The following PTPRO variants were observed in gnomAD, a reference collection of about 807,000 sequenced individuals.
PTPRO encodes the protein receptor-type tyrosine-protein phosphatase O.
In PTPRO, 62 loss-of-function variants were observed where a neutral mutation model predicts 145.2. The ratio of observed to expected loss-of-function variants is 0.43; its 90% confidence interval spans 0.35 to 0.53. PTPRO has a LOEUF of 0.53. Among genes scored for constraint, PTPRO ranks in the 20% least tolerant of loss-of-function variants. The probability of loss-of-function intolerance (pLI) is 0.01; values close to 1 mark genes in which losing one functional copy is unlikely to be tolerated. For missense variants in PTPRO, 1,345 were observed against 1,482.7 expected (o/e 0.91, Z 1.53); for synonymous variants, 565 against 514.7 (o/e 1.10, Z -1.32).
At chr12:15,372,767 T>C (rs75653332) in intron 1 of PTPRO, among the ~76,000 whole-genome samples, 2,130 of 152,226 alleles carry the variant, frequency 0.014, 71 homozygotes, top group African/African-American at 0.049. Context: ...CCACTAAAAA[T>C]AAGCTAAATA....
chr12:15,453,192 C>T (rs1160466604), intron 1 of PTPRO, among the ~76,000 whole-genome samples: 5 of 151,976 alleles, frequency 3.3e-5, no homozygotes, highest in East Asian at 1.9e-4. Context: ...CATTTCACCA[C>T]GTTGGCCAGG....
chr12:15,404,675 GA>G (rs947048590), intron 1 of PTPRO, among the ~76,000 whole-genome samples: 5 of 151,804 alleles, frequency 3.3e-5, no homozygotes, highest in African/African-American at 4.8e-5. Context: ...GAGACTAAGA[GA>G]AAAAAAACCT....
Position 15,578,086 on chromosome 12 carries a change from TC to T in PTPRO, c.2830-765del, listed in dbSNP as rs549582462. ...AAGGATTTTCCCCAACAACTACAGA[TC>T]CATCTTTATGTTTGAGGTTTCATTA... is the stretch of plus-strand genomic sequence containing the variant. On this transcript the variant is annotated intron_variant, in intron 19 of 26. Transcript: ENST00000281171. Among the ~76,000 whole-genome samples the T allele has an allele frequency of 3.9e-3, 588 of 152,322 alleles. 2 individuals carry two copies. The highest frequency in any genetic ancestry group is 0.02 in the South Asian group (95 of 4,832).
intron 20 of PTPRO, among the ~76,000 whole-genome samples, chr12:15,579,458 T>C (rs558516010): frequency 2.0e-4 from 31 of 152,346 alleles, no homozygotes; most frequent in African/African-American, 7.0e-4. Context: ...TGCTACACGC[T>C]GTGGAGCTAG....
At chr12:15,503,848 A>G in intron 5 of PTPRO, 60 bp from the exon 6 acceptor site, 1 of 1,419,970 alleles carries the variant, frequency 7.0e-7, no homozygotes. Flanking sequence ...CGACTTGTCT[A>G]TACCCAGGGC....
intron 7 of PTPRO, among the ~76,000 whole-genome samples, chr12:15,509,350 C>T (rs1214948511): frequency 6.8e-6 from 1 of 147,846 alleles, no homozygotes; most frequent in Non-Finnish European, 1.5e-5. Flanking sequence ...TTCATTTTTA[C>T]TGTAAAAGTA....
At chr12:15,580,590 GC>G (rs1186142923) in intron 21 of PTPRO, 106 bp from the exon 22 acceptor site, 4 of 1,394,258 alleles carry the variant, frequency 2.9e-6, no homozygotes, top group Non-Finnish European at 4.0e-6. Context: ...GTGATCCTTT[GC>G]CAATTTTATC....
At chr12:15,547,683 C>CTT (rs1158057659) in intron 13 of PTPRO, among the ~76,000 whole-genome samples, 2 of 152,058 alleles carry the variant, frequency 1.3e-5, no homozygotes, top group African/African-American at 4.8e-5. Context: ...ACTGCTCTGC[C>CTT]AATAATGGAT....
chr12:15,362,300 G>A (rs1938234169), intron 1 of PTPRO, among the ~76,000 whole-genome samples: 1 of 152,152 alleles, frequency 6.6e-6, no homozygotes, highest in Non-Finnish European at 1.5e-5. Context: ...AACTCTGGTT[G>A]GAAAATAAGT....
intron 1 of PTPRO, among the ~76,000 whole-genome samples, chr12:15,398,697 T>G (rs1343661443): frequency 1.3e-5 from 2 of 152,182 alleles, no homozygotes; most frequent in Non-Finnish European, 2.9e-5. Flanking sequence ...ACTCTTTTTT[T>G]TTTTATTTTG....
At chr12:15,551,822 AC>A in intron 15 of PTPRO, 151 bp downstream of exon 15, 1 of 819,522 alleles carries the variant, frequency 1.2e-6, no homozygotes, top group South Asian at 1.7e-5. Flanking sequence ...TTCTAAATAG[AC>A]TTCGAAACAT....
chr12:15,571,514 C>T (rs1944049239), intron 19 of PTPRO, among the ~76,000 whole-genome samples: 1 of 152,128 alleles, frequency 6.6e-6, no homozygotes, highest in African/African-American at 2.4e-5. Flanking sequence ...TCTCGAACTC[C>T]TTACCTTGTG....
chr12:15,576,414 G>A (rs1185028727), intron 19 of PTPRO, among the ~76,000 whole-genome samples: 1 of 152,172 alleles, frequency 6.6e-6, no homozygotes, highest in Non-Finnish European at 1.5e-5. Context: ...CACAATTAAA[G>A]TTCTGTCAGT....
chr12:15,450,696 C>T (rs1459089196), intron 1 of PTPRO, among the ~76,000 whole-genome samples: 1 of 151,962 alleles, frequency 6.6e-6, no homozygotes, highest in Non-Finnish European at 1.5e-5. Context: ...TTGCTTGAGC[C>T]TGAGAGGTTA....
Position 15,581,732 on chromosome 12 carries a change from C to T in PTPRO, c.3186C>T (p.Asp1062=). The T allele has an allele frequency of 1.2e-6, 2 of 1,614,004 alleles. No individual in the cohort carries two copies. The highest frequency in any genetic ancestry group is 1.7e-6 in the Non-Finnish European group (2 of 1,179,900). Residue 1062 remains aspartate (D), a synonymous_variant, in exon 23 of 27, where the codon GAC becomes GAT. Coordinates refer to ENST00000281171, the MANE Select transcript of PTPRO (RefSeq NM_030667.3). Reference sequence around the variant, plus strand: ...CGGAAGAACCTATAGCCTATGGAGACATCACTGTGGAGATGATTTCAGAGG... The same window carrying T: ...CGGAAGAACCTATAGCCTATGGAGATATCACTGTGGAGATGATTTCAGAGG... ...PFTEEPIAYG[D]ITVEMISEEE...
At chr12:15,474,006 C>A (rs550047853) in intron 1 of PTPRO, among the ~76,000 whole-genome samples, 1 of 152,070 alleles carries the variant, frequency 6.6e-6, no homozygotes, top group Non-Finnish European at 1.5e-5. Context: ...GCTACAGAGG[C>A]GGAAGAGAAA....
At chr12:15,415,190 C>T (rs1939913343) in intron 1 of PTPRO, among the ~76,000 whole-genome samples, 1 of 152,068 alleles carries the variant, frequency 6.6e-6, no homozygotes, top group Non-Finnish European at 1.5e-5. Flanking sequence ...CATAAATAAC[C>T]TAAATTCTCT....
intron 12 of PTPRO, among the ~76,000 whole-genome samples, chr12:15,531,334 G>A (rs1942958216): frequency 6.6e-6 from 1 of 152,056 alleles, no homozygotes; most frequent in African/African-American, 2.4e-5. Flanking sequence ...TGAATAGGAA[G>A]GAATACTTCC....
At chr12:15,506,730 A>T (rs1457576731) in intron 6 of PTPRO, among the ~76,000 whole-genome samples, 3 of 152,138 alleles carry the variant, frequency 2.0e-5, no homozygotes, top group Non-Finnish European at 4.4e-5. Flanking sequence ...ACAAGTGGGG[A>T]TTACAATTCG....
Sources: gnomAD v4.1 joint callset for allele counts (sites outside exome capture counted in the v4.1 genomes callset) on GRCh38, gnomAD v4.1.1 for gene constraint, MANE v1.5 for transcripts, NCBI Gene and HGNC (gene_info 2026-07-23, HGNC 2026-07-21) for gene names.